Variants in SPEF2 observed in about 807,000 individuals in gnomAD.
SPEF2 encodes sperm flagella and cilia-associated protein 2.
A neutral mutation model predicts 224.6 loss-of-function variants in SPEF2; 187 were observed. The observed-to-expected ratio is 0.83, with a 90% CI of 0.74 to 0.94. The LOEUF is 0.94. SPEF2 is among the 40% of genes least tolerant of loss of function. The pLI is 0.00. For synonymous variants in SPEF2, 715 were observed against 707.3 expected, an observed-to-expected ratio of 1.01 and a Z score of -0.17; for missense variants, 2,170 against 2,135.6, an observed-to-expected ratio of 1.02 and a Z score of -0.32.
intron 21 of SPEF2, among the ~76,000 whole-genome samples, chr5:35,730,892 A>G (rs1197682192): frequency 1.3e-5 from 2 of 152,196 alleles, no homozygotes; most frequent in African/African-American, 4.8e-5. Flanking sequence ...TAAAATCCCG[A>G]TTATGTACCA....
chr5:35,707,036 A>G (rs1185033761), intron 18 of SPEF2, among the ~76,000 whole-genome samples: 2 of 152,212 alleles, frequency 1.3e-5, no homozygotes, highest in Non-Finnish European at 2.9e-5. Context: ...TTCACTGACT[A>G]CATTAATAGA....
chr5:35,661,061 C>T (rs1749619807), intron 8 of SPEF2, among the ~76,000 whole-genome samples: 1 of 151,822 alleles, frequency 6.6e-6, no homozygotes, highest in Non-Finnish European at 1.5e-5. Context: ...TCAACTCCTC[C>T]ACCAACAGTA....
intron 23 of SPEF2, among the ~76,000 whole-genome samples, chr5:35,748,505 C>T (rs1748909676): frequency 6.6e-6 from 1 of 152,122 alleles, no homozygotes; most frequent in Admixed American, 6.5e-5. Flanking sequence ...CAACTGACAT[C>T]ACTGAAATAC....
At chr5:35,807,810 C>T in intron 36 of SPEF2, 5 of 1,533,788 alleles carry the variant, frequency 3.3e-6, no homozygotes, top group Non-Finnish European at 4.4e-6. Context: ...AACCACCAAG[C>T]AGGTCTGGAC....
chr5:35,729,085 T>C (rs182343383), intron 21 of SPEF2, among the ~76,000 whole-genome samples: 1 of 152,262 alleles, frequency 6.6e-6, no homozygotes, highest in East Asian at 1.9e-4. Flanking sequence ...CAGGACTTTT[T>C]TTAAAACAAA....
rs765518629 is a variant in SPEF2, at chr5:35,763,524, T to C, written c.3623T>C (p.Ile1208Thr). Residue 1208 changes from isoleucine to threonine, a missense_variant and splice_region_variant, in exon 26 of 37, where the codon ATT becomes ACT. Ile to Thr is a moderately conservative substitution (Grantham distance 89, BLOSUM62 -1). Transcript: ENST00000356031. ...SKDNSESQLR[I>T]PLVPRISISL... The stretch of plus-strand genomic sequence containing the variant: ...TTTTGCTTGTTTGTTTCTCAAAGAA[T>C]TCCTCTAGTTCCTCGAATATCCATT... 2 of 1,549,856 alleles carry C rather than the reference T, an allele frequency of 1.3e-6. No individual in the cohort carries two copies. Among genetic ancestry groups the C allele is most frequent in the South Asian group, 2.5e-5 (2 of 80,040 alleles).
chr5:35,715,533 T>C (rs960398644), intron 20 of SPEF2, among the ~76,000 whole-genome samples: 3 of 152,166 alleles, frequency 2.0e-5, no homozygotes, highest in Admixed American at 6.6e-5. Flanking sequence ...TAAATTTCGT[T>C]CAGAATCAAG....
At chr5:35,714,435 G>C (rs953006174) in intron 20 of SPEF2, among the ~76,000 whole-genome samples, 1 of 151,532 alleles carries the variant, frequency 6.6e-6, no homozygotes, top group Non-Finnish European at 1.5e-5. Context: ...CCCTTTTACG[G>C]TATTTGGATA....
rs117071526 is a variant in SPEF2, at chr5:35,663,003, A to G, written c.1167+3796A>G. Among the ~76,000 whole-genome samples, 28 of 152,242 alleles carry G rather than the reference A, an allele frequency of 1.8e-4. 1 individual carries two copies. The East Asian group carries it at 5.0e-3, about 27-fold the overall frequency. ...ACTATGCTCACAAAGTATTAATAAT[A>G]TTTGTATTACTTATTTTAATAGTAT... On this transcript the variant is annotated intron_variant, in intron 8 of 36. Coordinates refer to ENST00000356031, the MANE Select transcript of SPEF2 (RefSeq NM_024867.4).
intron 33 of SPEF2, among the ~76,000 whole-genome samples, chr5:35,798,135 C>T (rs767159680): frequency 3.3e-5 from 5 of 152,188 alleles, no homozygotes; most frequent in Non-Finnish European, 7.3e-5. Flanking sequence ...ATGACTGCAA[C>T]GGCCTCGTGA....
Position 35,712,878 on chromosome 5 carries a change from A to G in SPEF2, c.2906A>G (p.Lys969Arg). 1.2e-6 allele frequency: 2 copies of G among 1,613,580 alleles called. No individual in the cohort carries two copies. Among genetic ancestry groups the G allele is most frequent in the Non-Finnish European group, 1.7e-6 (2 of 1,179,848 alleles). ...GGGAAGAAAGGTGAGACCGCACTCA[A>G]AAGAAAAGGTACAGCAGATAAAAAT... ...GKGKKGETAL[K>R]RKGSPKGKSS... Residue 969 changes from lysine (K) to arginine (R), a missense_variant, in exon 20 of 37, where the codon AAA becomes AGA. Coordinates refer to ENST00000356031, the MANE Select transcript of SPEF2 (RefSeq NM_024867.4).
chr5:35,733,658 A>C (rs918084546), intron 21 of SPEF2, among the ~76,000 whole-genome samples: 1 of 152,206 alleles, frequency 6.6e-6, no homozygotes, highest in African/African-American at 2.4e-5. Flanking sequence ...AAGGATCTTA[A>C]AATCTGTGCT....
Position 35,759,870 on chromosome 5 carries a change from G to A in SPEF2, c.3620+151G>A, listed in dbSNP as rs545128403. 24 of 677,084 alleles carry A rather than the reference G, an allele frequency of 3.5e-5. No individual in the cohort carries two copies. In the South Asian group the frequency reaches 4.4e-4, roughly 12 times the overall value. The allele number at this position is 677,084 out of a possible 1,614,324, so 41.9% of individuals were successfully genotyped here. A position where few individuals can be genotyped will look rare whatever the true frequency, so the allele number is the denominator to read the frequency against. On this transcript the variant is annotated intron_variant, in intron 25 of 36. Coordinates refer to ENST00000356031, the MANE Select transcript of SPEF2 (RefSeq NM_024867.4). ...TAACCAAACATGTTTTTTTTTTAAC[G>A]TTAGTGTGTCATTGACTTAAGACTA...
intron 7 of SPEF2, among the ~76,000 whole-genome samples, chr5:35,656,331 G>A (rs566415702): frequency 6.6e-6 from 1 of 152,052 alleles, no homozygotes; most frequent in South Asian, 2.1e-4. Flanking sequence ...ATTTATTCAT[G>A]GATTCCACTT....
chr5:35,758,528 G>A (rs1750764557), intron 24 of SPEF2, among the ~76,000 whole-genome samples: 1 of 152,192 alleles, frequency 6.6e-6, no homozygotes, highest in Middle Eastern at 3.2e-3. Context: ...CTGACAGGGA[G>A]TCACAACAAG....
intron 5 of SPEF2, among the ~76,000 whole-genome samples, chr5:35,647,577 G>A (rs1293664634): frequency 1.3e-5 from 2 of 151,990 alleles, no homozygotes; most frequent in East Asian, 1.9e-4. Context: ...GCCATGACCC[G>A]GACACCTCCC....
chr5:35,646,824 T>C lies in SPEF2; in HGVS notation c.726+17T>C. ...GAGGCAGAAGTAAGTGATAATCCTTTAATATTGTGCTGTGTTTATCTTAAC... is the reference window on the plus strand; with the variant it reads ...GAGGCAGAAGTAAGTGATAATCCTTCAATATTGTGCTGTGTTTATCTTAAC... On this transcript the variant is annotated intron_variant, in intron 5 of 36. Coordinates refer to ENST00000356031, the MANE Select transcript of SPEF2 (RefSeq NM_024867.4). The C allele has an allele frequency of 6.2e-7, 1 of 1,612,986 alleles. No individual in the cohort carries two copies.
intron 6 of SPEF2, among the ~76,000 whole-genome samples, chr5:35,652,024 C>G (rs1748259795): frequency 6.6e-6 from 1 of 152,134 alleles, no homozygotes; most frequent in South Asian, 2.1e-4. Context: ...CTTTTCCCAG[C>G]AACTACTTCT....
At chr5:35,748,143 G>T (rs750931131) in intron 23 of SPEF2, among the ~76,000 whole-genome samples, 1 of 151,766 alleles carries the variant, frequency 6.6e-6, no homozygotes, top group Admixed American at 6.6e-5. Flanking sequence ...CTGAATGACA[G>T]TGACACAACC....
Sources: allele counts gnomAD v4.1 joint callset (sites outside exome capture counted in the v4.1 genomes callset), GRCh38; gene constraint gnomAD v4.1.1; transcripts MANE v1.5; gene names NCBI Gene and HGNC (gene_info 2026-07-23, HGNC 2026-07-21).